The following CCDC174 variants were observed in gnomAD, a reference collection of about 807,000 sequenced individuals.
The protein encoded by CCDC174 is coiled-coil domain-containing protein 174.
CCDC174 carries 37 observed loss-of-function variants against 57.1 expected under a neutral mutation model. The observed-to-expected ratio is 0.65, with a 90% CI of 0.50 to 0.85. The LOEUF is 0.85. Among genes scored for constraint, CCDC174 ranks in the 40% least tolerant of loss-of-function variants. CCDC174 has a pLI of 0.00. For missense variants in CCDC174, 540 were observed against 574.3 expected (o/e 0.94, Z 0.61); for synonymous variants, 182 against 190.2 (o/e 0.96, Z 0.35).
intron 1 of CCDC174, among the ~76,000 whole-genome samples, chr3:14,653,688 T>G (rs577264765): frequency 1.3e-5 from 2 of 152,376 alleles, no homozygotes; most frequent in South Asian, 4.1e-4. Flanking sequence ...TCCCTATGCC[T>G]TGGCCTTCTT....
chr3:14,654,510 A>G lies in CCDC174; in HGVS notation c.127A>G (p.Lys43Glu). The part of the protein sequence containing the change: ...KLLKDSGVFG[K>E]PKTTNKKPSI... ...TCTAAAAGATTCTGGAGTTTTTGGA[A>G]AACCAAAAACAACTAACAAGGTAAA... The change falls in exon 2 of 11, where the codon AAA (lysine) becomes GAA (glutamate). Residue 43 changes from lysine to glutamate, a missense_variant. Physicochemically the swap from Lys to Glu is moderately conservative, Grantham distance 56. Transcript: ENST00000383794. 2 of 1,564,262 alleles carry G rather than the reference A, an allele frequency of 1.3e-6. No homozygotes were observed.
chr3:14,662,692 GTCC>G (rs1272606491), intron 5 of CCDC174, among the ~76,000 whole-genome samples: 1 of 152,130 alleles, frequency 6.6e-6, no homozygotes, highest in East Asian at 1.9e-4. Flanking sequence ...AGGCTCAAAT[GTCC>G]TCCTTGTGGT....
At position 14,671,516 on chromosome 3, in the gene CCDC174, AT is replaced by A. The variant is rs1466109999; in HGVS notation, c.*325del. ...ATATCTACTCCCACGACTTACTCATATTTAAGGGTTCTTTTCCATTCCTTTT... is the reference window on the plus strand; with the variant it reads ...ATATCTACTCCCACGACTTACTCATATTAAGGGTTCTTTTCCATTCCTTTT... On this transcript the variant is annotated 3_prime_UTR_variant, in exon 11 of 11. Coordinates refer to ENST00000383794, the MANE Select transcript of CCDC174 (RefSeq NM_016474.5). The A allele has an allele frequency of 1.3e-5, 3 of 234,128 alleles. No individual in the cohort carries two copies. Among genetic ancestry groups the A allele is most frequent in the Non-Finnish European group, 2.5e-5 (3 of 121,940 alleles). The allele number at this position is 234,128 out of a possible 1,614,324, so 14.5% of individuals were successfully genotyped here. A position where few individuals can be genotyped will look rare whatever the true frequency, so the allele number is the denominator to read the frequency against.
At chr3:14,660,773 A>G (rs546022983) in intron 4 of CCDC174, among the ~76,000 whole-genome samples, 5 of 152,386 alleles carry the variant, frequency 3.3e-5, no homozygotes, top group Non-Finnish European at 5.9e-5. Flanking sequence ...ATGTAGCTTA[A>G]TCTCTGTCAT....
At position 14,667,428 on chromosome 3, in the gene CCDC174, C is replaced by T. The variant is rs1457461235; in HGVS notation, c.729C>T (p.Ala243=). 6 of 1,613,326 alleles carry T rather than the reference C, an allele frequency of 3.7e-6. No homozygotes were observed. Among genetic ancestry groups the T allele is most frequent in the Non-Finnish European group, 8.5e-7 (1 of 1,179,768 alleles). The change falls in exon 8 of 11, where the codon GCC becomes GCT. Residue 243 remains alanine, a synonymous_variant. Coordinates refer to ENST00000383794, the MANE Select transcript of CCDC174 (RefSeq NM_016474.5). ...VHYEDIRENE[A]RQLGVGYFAF... ...GGTAATTCATACTTCTTTCAGAGGC[C>T]CGGCAACTTGGTGTTGGGTATTTTG...
intron 1 of CCDC174, among the ~76,000 whole-genome samples, chr3:14,652,382 A>G (rs1161938906): frequency 6.6e-6 from 1 of 152,218 alleles, no homozygotes; most frequent in Non-Finnish European, 1.5e-5. Flanking sequence ...TAATGCAGGC[A>G]TAGGGAGTTG....
At chr3:14,666,114 A>G (rs2031330641) in intron 6 of CCDC174, among the ~76,000 whole-genome samples, 1 of 151,968 alleles carries the variant, frequency 6.6e-6, no homozygotes, top group Non-Finnish European at 1.5e-5. Flanking sequence ...GCCATCTGCA[A>G]GGACAGGAGA....
At chr3:14,659,181 G>A (rs969703490) in intron 4 of CCDC174, among the ~76,000 whole-genome samples, 2 of 152,038 alleles carry the variant, frequency 1.3e-5, no homozygotes, top group Admixed American at 1.3e-4. Flanking sequence ...TGCCCTCAAG[G>A]CAGGGTCATC....
chr3:14,654,176 A>C (rs538021338), intron 1 of CCDC174, among the ~76,000 whole-genome samples: 1 of 152,240 alleles, frequency 6.6e-6, no homozygotes, highest in African/African-American at 2.4e-5. Context: ...CTCCTTGCCT[A>C]AGGAAAGCCT....
chr3:14,667,581 T>G (rs1205914956), intron 8 of CCDC174, 63 bp downstream of exon 8: 4 of 1,221,118 alleles, frequency 3.3e-6, no homozygotes, highest in Non-Finnish European at 4.8e-6. Context: ...TGCTGGACCA[T>G]ACTGCAGAAA....
At chr3:14,665,463 A>G (rs896782254) in intron 6 of CCDC174, among the ~76,000 whole-genome samples, 10 of 152,176 alleles carry the variant, frequency 6.6e-5, no homozygotes, top group African/African-American at 2.2e-4. Flanking sequence ...TATCCCACAA[A>G]CAAGTGGCTC....
chr3:14,655,645 C>A lies in CCDC174; in HGVS notation c.248+16C>A. On this transcript the variant is annotated intron_variant, in intron 3 of 10. Transcript: ENST00000383794. ...ACAAAGCAAGGTAAAGTTATAAGCT[C>A]TGGTAAATATAGTTAGCTTTGAGGC... 1 of 1,527,546 alleles carries A rather than the reference C, an allele frequency of 6.5e-7. No individual in the cohort carries two copies. Among genetic ancestry groups the A allele is most frequent in the South Asian group, 1.2e-5 (1 of 85,180 alleles). The allele number at this position is 1,527,546 out of a possible 1,614,324, so 94.6% of individuals were successfully genotyped here. A position where few individuals can be genotyped will look rare whatever the true frequency, so the allele number is the denominator to read the frequency against.
intron 9 of CCDC174, among the ~76,000 whole-genome samples, chr3:14,668,954 A>G (rs1243123032): frequency 3.9e-5 from 6 of 152,074 alleles, no homozygotes; most frequent in Non-Finnish European, 7.4e-5. Context: ...TCCCCTGCTC[A>G]CCTGTTCATG....
rs1032765556 is a variant in CCDC174, at chr3:14,659,369, T to G, written c.307+440T>G. Among the ~76,000 whole-genome samples the G allele has an allele frequency of 2.0e-5, 3 of 152,354 alleles. No individual in the cohort carries two copies. The East Asian group carries it at 5.8e-4, about 29-fold the overall frequency. On this transcript the variant is annotated intron_variant, in intron 4 of 10. Coordinates refer to ENST00000383794, the MANE Select transcript of CCDC174 (RefSeq NM_016474.5). ...CCCTATTTTCCCTCTATTTTCAATTTTTTTTCTGTGCTGTGCTTATAATTG... is the reference window on the plus strand; with the variant it reads ...CCCTATTTTCCCTCTATTTTCAATTGTTTTTCTGTGCTGTGCTTATAATTG...
rs151045192 is a variant in CCDC174 at position 14,668,278 on chromosome 3, G to A, written c.952+97G>A. ...TGGCAATGTGAAAATTAGCCATTTA[G>A]TTTTATATTTAAGCAAACAGTATAC... is the stretch of plus-strand genomic sequence containing the variant. On this transcript the variant is annotated intron_variant, in intron 9 of 10. Coordinates refer to ENST00000383794, the MANE Select transcript of CCDC174 (RefSeq NM_016474.5). The A allele has an allele frequency of 2.8e-4, 347 of 1,241,486 alleles. 2 individuals carry two copies. The African/African-American group carries it at 4.6e-3, about 16-fold the overall frequency. 76.9% of individuals were successfully genotyped at this position (1,241,486 alleles called of 1,614,324 possible).
At chr3:14,656,954 TAGAAGGC>T (rs2030978730) in intron 3 of CCDC174, among the ~76,000 whole-genome samples, 1 of 152,182 alleles carries the variant, frequency 6.6e-6, no homozygotes. Context: ...GGTCTGAAGA[TAGAAGGC>T]AGAATATTAG....
chr3:14,664,441 C>T (rs2031250634), intron 5 of CCDC174, among the ~76,000 whole-genome samples: 1 of 152,152 alleles, frequency 6.6e-6, no homozygotes, highest in Non-Finnish European at 1.5e-5. Flanking sequence ...ATCTGCCTGG[C>T]TTAGCTGTCT....
intron 1 of CCDC174, among the ~76,000 whole-genome samples, chr3:14,654,093 G>C (rs185992341): frequency 6.6e-6 from 1 of 152,284 alleles, no homozygotes; most frequent in Admixed American, 6.5e-5. Flanking sequence ...CAGAGAGAAG[G>C]TGCTTAATAA....
At chr3:14,665,930 C>A (rs2124845166) in intron 6 of CCDC174, among the ~76,000 whole-genome samples, 1 of 149,574 alleles carries the variant, frequency 6.7e-6, no homozygotes, top group Non-Finnish European at 1.5e-5. Flanking sequence ...CCCAGCTACT[C>A]AGGAGGCTGA....
Sources: gnomAD v4.1 joint callset for allele counts (sites outside exome capture counted in the v4.1 genomes callset) on GRCh38, gnomAD v4.1.1 for gene constraint, MANE v1.5 for transcripts, NCBI Gene and HGNC (gene_info 2026-07-23, HGNC 2026-07-21) for gene names.